The following NOLC1 variants were observed in gnomAD, a reference collection of about 807,000 sequenced individuals.
The protein encoded by NOLC1 is 140 kDa nucleolar phosphoprotein.
Under a neutral mutation model 73.4 loss-of-function variants are expected in NOLC1, and 37 were observed. The observed-to-expected ratio is 0.50, with a 90% CI of 0.39 to 0.66. The LOEUF (loss-of-function observed/expected upper bound fraction) is 0.66, where lower values mean the gene tolerates loss of function less well. Ranked by LOEUF, NOLC1 falls within the 30% of genes least tolerant of loss-of-function variation. The probability of loss-of-function intolerance (pLI) is 0.00; values close to 1 mark genes in which losing one functional copy is unlikely to be tolerated. For missense variants in NOLC1, 921 were observed against 838.9 expected (o/e 1.10, Z -1.21); for synonymous variants, 327 against 302.6 (o/e 1.08, Z -0.84).
intron 1 of NOLC1, among the ~76,000 whole-genome samples, chr10:102,155,732 A>G (rs2069583810): frequency 6.6e-6 from 1 of 150,624 alleles, no homozygotes; most frequent in South Asian, 2.1e-4. Context: ...CTGGTCTCAA[A>G]CTCCTGACAT....
chr10:102,152,595 C>T (rs530128970), intron 1 of NOLC1, 65 bp downstream of exon 1: 3 of 1,601,070 alleles, frequency 1.9e-6, no homozygotes, highest in African/African-American at 1.3e-5. Flanking sequence ...CCCTGACGTG[C>T]TTAGGTTTCC....
chr10:102,152,599 G>A, intron 1 of NOLC1, 69 bp downstream of exon 1: 1 of 1,598,028 alleles, frequency 6.3e-7, no homozygotes, highest in South Asian at 1.1e-5. Context: ...GACGTGCTTA[G>A]GTTTCCAGGT....
intron 1 of NOLC1, among the ~76,000 whole-genome samples, chr10:102,155,542 T>C (rs576360203): frequency 3.1e-4 from 45 of 145,988 alleles, no homozygotes; most frequent in African/African-American, 8.9e-4. Context: ...TGAGACTTAC[T>C]CTGTCGCCCA....
chr10:102,157,324 G>A lies in NOLC1; in HGVS notation c.312G>A (p.Lys104=), dbSNP rs2069616142. Residue 104 remains lysine (K), a synonymous_variant, in exon 3 of 13, where the codon AAG becomes AAA. Coordinates refer to ENST00000605788, the MANE Select transcript of NOLC1 (RefSeq NM_004741.5). ...EEEVQGPPAK[K]AAVPAKRVGL... ...AAGTTCAAGGGCCTCCAGCAAAGAAGGCTGGTAAGGCAGAGTAGCAGGTGG... is the reference window on the plus strand; with the variant it reads ...AAGTTCAAGGGCCTCCAGCAAAGAAAGCTGGTAAGGCAGAGTAGCAGGTGG... 2.5e-6 allele frequency: 4 copies of A among 1,613,938 alleles called. No individual in the cohort carries two copies. Among genetic ancestry groups the A allele is most frequent in the Non-Finnish European group, 3.4e-6 (4 of 1,179,892 alleles).
At chr10:102,154,703 A>G (rs1007463760) in intron 1 of NOLC1, among the ~76,000 whole-genome samples, 1 of 151,718 alleles carries the variant, frequency 6.6e-6, no homozygotes, top group East Asian at 2.0e-4. Flanking sequence ...TTATGTTTGT[A>G]TCTTTAGTAG....
rs748474305 is a variant in NOLC1, at chr10:102,162,129, T to C, written c.1960T>C (p.Trp654Arg). Residue 654 changes from tryptophan (W) to arginine (R), a missense_variant, in exon 13 of 13, where the codon TGG (tryptophan) becomes CGG (arginine). Transcript: ENST00000605788. ...TTACCAGCGAGGTGCAGCCGGAGAC[T>C]GGGGAGAGCGAGCCAATCAGGTTTT... ...FDAKRGAAGD[W>R]GERANQVLKF... 6 of 1,613,850 alleles carry C rather than the reference T, an allele frequency of 3.7e-6. No individual in the cohort carries two copies. In the East Asian group the frequency reaches 1.3e-4, roughly 36 times the overall value.
At chr10:102,153,928 C>T (rs2133750499) in intron 1 of NOLC1, among the ~76,000 whole-genome samples, 1 of 152,042 alleles carries the variant, frequency 6.6e-6, no homozygotes, top group East Asian at 1.9e-4. Context: ...TTGCCTCAGC[C>T]TCTCAAAGTG....
chr10:102,159,064 CCA>C, intron 5 of NOLC1, 127 bp from the exon 6 acceptor site: 2 of 791,108 alleles, frequency 2.5e-6, no homozygotes, highest in East Asian at 5.9e-5. Context: ...GACTCCGTCT[CCA>C]AAAAAAAAAA....
At chr10:102,156,813 A>C (rs1404437646) in intron 1 of NOLC1, among the ~76,000 whole-genome samples, 1 of 152,172 alleles carries the variant, frequency 6.6e-6, no homozygotes, top group Non-Finnish European at 1.5e-5. Context: ...ATGGTGCCGC[A>C]AACATAGGAG....
Position 102,161,633 on chromosome 10 carries a change from A to G in NOLC1, c.1819A>G (p.Thr607Ala). ...TCAGGCCAAGAAGATAAAGCTTCAG[A>G]CCCCTAACACATTTCCAAAAAGGAA... ...TPQAKKIKLQ[T>A]PNTFPKRKKG... Residue 607 changes from threonine to alanine, a missense_variant, in exon 11 of 13, where the codon ACC (threonine) becomes GCC (alanine). Transcript: ENST00000605788. 1 of 1,613,906 alleles carries G rather than the reference A, an allele frequency of 6.2e-7. No homozygotes were observed. The highest frequency in any genetic ancestry group is 8.5e-7 in the Non-Finnish European group (1 of 1,179,854).
In NOLC1 at chr10:102,159,275, A is replaced by G. The variant is rs753298532; in HGVS notation, c.690A>G (p.Ser230=). 1 of 1,614,136 alleles carries G rather than the reference A, an allele frequency of 6.2e-7. No individual in the cohort carries two copies. The highest frequency in any genetic ancestry group is 1.3e-5 in the African/African-American group (1 of 75,020). ...GCAGCAGCAGTAGCAGTGATGACTC[A>G]GAGGAGGAGAAGGCAGCAGCCACCC... is the stretch of plus-strand genomic sequence containing the variant. ...SSSSSSSSDD[S]EEEKAAATPK... is the part of the protein sequence containing the mutation. The change falls in exon 6 of 13, where the codon TCA becomes TCG. Residue 230 remains serine, a synonymous_variant. Transcript: ENST00000605788.
At chr10:102,158,252 A>T in intron 5 of NOLC1, 38 bp downstream of exon 5, 2 of 1,602,272 alleles carry the variant, frequency 1.2e-6, no homozygotes, top group African/African-American at 1.3e-5. Flanking sequence ...GCTGGGGACC[A>T]GATTGCTCTG....
At chr10:102,161,777 AG>A (rs2069713488) in intron 11 of NOLC1, 55 bp from the exon 12 acceptor site, 8 of 1,553,944 alleles carry the variant, frequency 5.1e-6, no homozygotes, top group Non-Finnish European at 5.3e-6. Context: ...TGTATCACTC[AG>A]GAGAACTGTT....
intron 4 of NOLC1, 61 bp from the exon 5 acceptor site, chr10:102,157,988 G>A: frequency 6.7e-7 from 1 of 1,487,398 alleles, no homozygotes; most frequent in Admixed American, 1.9e-5. Flanking sequence ...AAGGAACCTA[G>A]GATGCCCTTT....
Position 102,159,897 on chromosome 10 carries a change from T to C in NOLC1, c.861T>C (p.Gly287=). 1 of 1,576,502 alleles carries C rather than the reference T, an allele frequency of 6.3e-7. No homozygotes were observed. Among genetic ancestry groups the C allele is most frequent in the Non-Finnish European group, 8.6e-7 (1 of 1,163,378 alleles). ...CATCACACTATCCTTTTTAAACAGGTCCCTACAGTTCAGTCCCCCCGCCTT... is the reference window on the plus strand; with the variant it reads ...CATCACACTATCCTTTTTAAACAGGCCCCTACAGTTCAGTCCCCCCGCCTT... ...EQKKPMKNKP[G]PYSSVPPPSA... The change falls in exon 8 of 13, where the codon GGT becomes GGC. Residue 287 remains glycine, a splice_region_variant and synonymous_variant. Coordinates refer to ENST00000605788, the MANE Select transcript of NOLC1 (RefSeq NM_004741.5).
chr10:102,157,515 A>G lies in NOLC1; in HGVS notation c.401A>G (p.Asp134Gly), dbSNP rs531158420. The G allele has an allele frequency of 4.0e-5, 64 of 1,613,692 alleles. No individual in the cohort carries two copies. In the East Asian group the frequency reaches 7.1e-4, roughly 18 times the overall value. Residue 134 changes from aspartate to glycine, a missense_variant, in exon 4 of 13, where the codon GAT becomes GGT. By Grantham distance (94) the Asp-to-Gly change is moderately conservative. Coordinates refer to ENST00000605788, the MANE Select transcript of NOLC1 (RefSeq NM_004741.5). ...AGTAGCAGCAGTGAAGAGTCCAGTG[A>G]TGATGATGATGAGGAGGACCAAAAG... ...SESSSSEESSDDDDEEDQKKQ... is the reference protein window; with the variant it reads ...SESSSSEESSGDDDEEDQKKQ...
At chr10:102,156,489 G>A (rs1030343250) in intron 1 of NOLC1, among the ~76,000 whole-genome samples, 7 of 151,340 alleles carry the variant, frequency 4.6e-5, no homozygotes, top group Admixed American at 2.0e-4. Flanking sequence ...GTGCAGTGGC[G>A]CGATCTCCTA....
At chr10:102,157,667 A>G in intron 4 of NOLC1, 112 bp downstream of exon 4, 1 of 1,250,918 alleles carries the variant, frequency 8.0e-7, no homozygotes, top group Non-Finnish European at 1.1e-6. Context: ...ATAGGTGATT[A>G]TGAGGAAGAA....
intron 1 of NOLC1, among the ~76,000 whole-genome samples, chr10:102,155,539 TACTC>T (rs1312679700): frequency 1.4e-5 from 2 of 148,138 alleles, no homozygotes; most frequent in East Asian, 2.0e-4. Context: ...TTTTGAGACT[TACTC>T]TGTCGCCCAG....
Sources: allele counts gnomAD v4.1 joint callset (sites outside exome capture counted in the v4.1 genomes callset), GRCh38; gene constraint gnomAD v4.1.1; transcripts MANE v1.5; gene names NCBI Gene and HGNC (gene_info 2026-07-23, HGNC 2026-07-21).